Variants in SPATA16 observed in about 807,000 individuals in gnomAD.
SPATA16 encodes the protein spermatogenesis associated 16, also known as spermatogenesis-associated protein 16.
A neutral mutation model predicts 63.3 loss-of-function variants in SPATA16; 36 were observed. The observed-to-expected ratio is 0.57, with a 90% CI of 0.44 to 0.75. The LOEUF is 0.75. Among genes scored for constraint, SPATA16 ranks in the 30% least tolerant of loss-of-function variants. The probability of loss-of-function intolerance (pLI) is 0.00; values close to 1 mark genes in which losing one functional copy is unlikely to be tolerated. For synonymous variants in SPATA16, 203 were observed against 216.7 expected (o/e 0.94, Z 0.56); for missense variants, 646 against 679.3 (o/e 0.95, Z 0.54).
At chr3:173,086,558 T>C (rs949789307) in intron 2 of SPATA16, among the ~76,000 whole-genome samples, 2 of 152,128 alleles carry the variant, frequency 1.3e-5, no homozygotes, top group African/African-American at 2.4e-5. Flanking sequence ...CTGATTTTGG[T>C]TATTTCTTGT....
intron 4 of SPATA16, among the ~76,000 whole-genome samples, chr3:172,999,850 T>C (rs752829890): frequency 2.2e-4 from 34 of 152,256 alleles, no homozygotes; most frequent in Non-Finnish European, 4.6e-4. Flanking sequence ...AAAGCACTAA[T>C]TTTTAATGTT....
chr3:172,928,034 C>T (rs1267948167), intron 6 of SPATA16, among the ~76,000 whole-genome samples: 2 of 151,978 alleles, frequency 1.3e-5, no homozygotes. Context: ...CTCAGCCTCC[C>T]GAGTAGCTAG....
intron 6 of SPATA16, among the ~76,000 whole-genome samples, chr3:172,927,461 T>TC (rs567667869): frequency 1.1e-3 from 172 of 152,344 alleles, no homozygotes; most frequent in African/African-American, 3.9e-3. Context: ...TGTTAGTTTT[T>TC]CTTTGGTGAC....
At position 172,962,253 on chromosome 3, in the gene SPATA16, CA is replaced by C. The variant is rs71162320; in HGVS notation, c.934-5430del. 4.3e-3 allele frequency among the ~76,000 whole-genome samples: 203 copies of C among 47,686 alleles called. 1 individual carries two copies. The highest frequency in any genetic ancestry group is 6.0e-3 in the Admixed American group (20 of 3,334). The allele number at this position is 47,686 out of a possible 152,430, so 31.3% of individuals were successfully genotyped here. A position where few individuals can be genotyped will look rare whatever the true frequency, so the allele number is the denominator to read the frequency against. Reference sequence around the variant, plus strand: ...TGGGCAACAGAGCAAGACTCTGTCTCAAAAAAAAAAAAAAAAAAAAAAAAAG... The same window carrying C: ...TGGGCAACAGAGCAAGACTCTGTCTCAAAAAAAAAAAAAAAAAAAAAAAAG... On this transcript the variant is annotated intron_variant, in intron 5 of 10. Coordinates refer to ENST00000351008, the MANE Select transcript of SPATA16 (RefSeq NM_031955.6).
intron 6 of SPATA16, among the ~76,000 whole-genome samples, chr3:172,951,510 T>A (rs988413900): frequency 9.9e-5 from 15 of 152,026 alleles, no homozygotes; most frequent in Admixed American, 7.2e-4. Context: ...AAAAAAAAAA[T>A]TTAAACCTAA....
At chr3:173,031,672 G>A (rs1000452077) in intron 3 of SPATA16, among the ~76,000 whole-genome samples, 3 of 152,102 alleles carry the variant, frequency 2.0e-5, no homozygotes, top group Middle Eastern at 3.4e-3. Flanking sequence ...GAAAACTTAT[G>A]CAACAGTGCT....
At chr3:173,115,215 G>C (rs1737862561) in intron 2 of SPATA16, among the ~76,000 whole-genome samples, 1 of 152,134 alleles carries the variant, frequency 6.6e-6, no homozygotes, top group Admixed American at 6.6e-5. Context: ...GGAAAACTGG[G>C]TATTTTGTTT....
chr3:173,113,507 T>C (rs551513660), intron 2 of SPATA16, among the ~76,000 whole-genome samples: 22 of 152,346 alleles, frequency 1.4e-4, no homozygotes, highest in African/African-American at 4.8e-4. Flanking sequence ...ATGCCTGCTA[T>C]GTTACAAAAT....
chr3:172,916,555 G>C lies in SPATA16; in HGVS notation c.1339-74C>G, dbSNP rs772755575. The C allele has an allele frequency of 3.2e-5, 47 of 1,489,122 alleles. 1 individual carries two copies. In the Admixed American group the frequency reaches 7.9e-4, roughly 25 times the overall value. The allele number at this position is 1,489,122 out of a possible 1,614,324, so 92.2% of individuals were successfully genotyped here. A position where few individuals can be genotyped will look rare whatever the true frequency, so the allele number is the denominator to read the frequency against. ...ACCTCTCCCCAGGGCTGGAAGTCAG[G>C]GCTTGTGATAACGTATTTACATCTT... On this transcript the variant is annotated intron_variant, in intron 8 of 10. Coordinates refer to ENST00000351008, the MANE Select transcript of SPATA16 (RefSeq NM_031955.6).
rs564934450 is a variant in SPATA16, at chr3:172,890,592, C to T, written c.1588-900G>A. On this transcript the variant is annotated intron_variant, in intron 10 of 10. Transcript: ENST00000351008. The stretch of plus-strand genomic sequence containing the variant: ...TAAAAGCACTTACAACTTCAATTTT[C>T]CAATTTTGAGTTCCACTTTTAAATT... Among the ~76,000 whole-genome samples, 354 of 152,124 alleles carry T rather than the reference C, an allele frequency of 2.3e-3. 1 individual carries two copies. The highest frequency in any genetic ancestry group is 8.4e-3 in the African/African-American group (347 of 41,522).
In SPATA16 at chr3:172,956,807, G is replaced by A; in HGVS notation, c.951C>T (p.Ala317=). 1 of 1,613,170 alleles carries A rather than the reference G, an allele frequency of 6.2e-7. No homozygotes were observed. The highest frequency in any genetic ancestry group is 8.5e-7 in the Non-Finnish European group (1 of 1,179,508). The change falls in exon 6 of 11, where the codon GCC becomes GCT. Residue 317 remains alanine, a synonymous_variant. Transcript: ENST00000351008. ...CCGAGAAAGATTCAGCTCTGGTGAT[G>A]GCTTCCTCAATCATGGCCTAAGAGG... ...KLYWQAMIEE[A]ITRAESFSVM...
intron 2 of SPATA16, among the ~76,000 whole-genome samples, chr3:173,114,310 A>C (rs1737833375): frequency 6.6e-6 from 1 of 152,118 alleles, no homozygotes; most frequent in Admixed American, 6.5e-5. Context: ...AGAATGTTAG[A>C]GCCATCTGGA....
intron 10 of SPATA16, among the ~76,000 whole-genome samples, chr3:172,904,482 G>A (rs150756687): frequency 0.012 from 1,836 of 152,208 alleles, 10 homozygotes; most frequent in Non-Finnish European, 0.019. Context: ...ATGATTTGAC[G>A]CCTGCTCAGA....
At chr3:173,116,917 A>G (rs1737913474) in intron 2 of SPATA16, among the ~76,000 whole-genome samples, 1 of 152,222 alleles carries the variant, frequency 6.6e-6, no homozygotes, top group Non-Finnish European at 1.5e-5. Flanking sequence ...TCTATATATC[A>G]AGTGCACACA....
At chr3:172,953,862 A>G (rs1190307158) in intron 6 of SPATA16, among the ~76,000 whole-genome samples, 3 of 152,226 alleles carry the variant, frequency 2.0e-5, no homozygotes, top group Non-Finnish European at 4.4e-5. Context: ...AGATAGATTA[A>G]TTTTAGAAAT....
chr3:173,067,510 T>C (rs1416384511), intron 2 of SPATA16, among the ~76,000 whole-genome samples: 1 of 152,066 alleles, frequency 6.6e-6, no homozygotes, highest in Non-Finnish European at 1.5e-5. Flanking sequence ...ATTACATGGG[T>C]GACAAAGTTA....
rs377412311 is a variant in SPATA16 at position 173,004,598 on chromosome 3, A to G, written c.848+14888T>C. ...TGGGGTTTAATAGTCTTATGCTATA[A>G]TACCCCAGCTAAGTGATTACTCAAC... On this transcript the variant is annotated intron_variant, in intron 4 of 10. Coordinates refer to ENST00000351008, the MANE Select transcript of SPATA16 (RefSeq NM_031955.6). Among the ~76,000 whole-genome samples, 544 of 152,320 alleles carry G rather than the reference A, an allele frequency of 3.6e-3. 4 individuals carry two copies. Among genetic ancestry groups the G allele is most frequent in the African/African-American group, 0.013 (527 of 41,562 alleles).
At chr3:172,968,067 A>T (rs1733959610) in intron 5 of SPATA16, among the ~76,000 whole-genome samples, 1 of 152,190 alleles carries the variant, frequency 6.6e-6, no homozygotes, top group Admixed American at 6.5e-5. Context: ...ATAGCTTTTA[A>T]CTATTCCTGG....
chr3:173,117,528 GC>G lies in SPATA16; in HGVS notation c.203del (p.Gly68AlafsTer10), dbSNP rs760255257. The G allele has an allele frequency of 6.2e-7, 1 of 1,614,032 alleles. No homozygotes were observed. The highest frequency in any genetic ancestry group is 8.5e-7 in the Non-Finnish European group (1 of 1,179,984). On this transcript the variant is annotated frameshift_variant, in exon 2 of 11. Coordinates refer to ENST00000351008, the MANE Select transcript of SPATA16 (RefSeq NM_031955.6). LOFTEE classifies it high-confidence loss of function. ...AATCATTGCTTTGTTTTTCTTTGAT[GC>G]CCTTTGTCATTTTTGTTCTTTCAAG... ...ITLERTKMTK[G>X]IKEKQSNDLE... is the part of the protein sequence containing the mutation.
Sources: allele counts gnomAD v4.1 joint callset (sites outside exome capture counted in the v4.1 genomes callset), GRCh38; gene constraint gnomAD v4.1.1; transcripts MANE v1.5; gene names NCBI Gene and HGNC (gene_info 2026-07-23, HGNC 2026-07-21).